Variants in HIPK2 observed in about 807,000 individuals in gnomAD.
HIPK2 encodes homeodomain-interacting protein kinase 2.
Under a neutral mutation model 113.7 loss-of-function variants are expected in HIPK2, and 27 were observed. The observed-to-expected ratio is 0.24, with a 90% CI of 0.17 to 0.33. The LOEUF (loss-of-function observed/expected upper bound fraction) is 0.33, where lower values mean the gene tolerates loss of function less well. HIPK2 is among the 10% of genes least tolerant of loss of function. The pLI is 1.00. For synonymous variants in HIPK2, 631 were observed against 642.2 expected (o/e 0.98, Z 0.26); for missense variants, 1,257 against 1,588.0 (o/e 0.79, Z 3.54).
At chr7:139,660,735 C>A (rs1280910121) in intron 2 of HIPK2, among the ~76,000 whole-genome samples, 3 of 152,218 alleles carry the variant, frequency 2.0e-5, no homozygotes, top group African/African-American at 7.2e-5. Context: ...GCACCTCTCA[C>A]AGAGGGCTAG....
At chr7:139,659,085 G>A (rs1404608635) in intron 2 of HIPK2, among the ~76,000 whole-genome samples, 1 of 152,172 alleles carries the variant, frequency 6.6e-6, no homozygotes, top group Non-Finnish European at 1.5e-5. Flanking sequence ...GGCATTGGCT[G>A]ACCAAAAACA....
chr7:139,600,715 T>A (rs924825283), intron 10 of HIPK2, 119 bp from the exon 11 acceptor site: 2 of 1,143,642 alleles, frequency 1.7e-6, no homozygotes, highest in African/African-American at 3.1e-5. Context: ...TCACTAGCTG[T>A]GCAGCTGCTG....
At chr7:139,721,937 C>T (rs554604963) in intron 1 of HIPK2, 5 of 300,398 alleles carry the variant, frequency 1.7e-5, no homozygotes, top group South Asian at 5.7e-5. Flanking sequence ...AAAATGGCCA[C>T]ATTTTCATTC....
Position 139,754,050 on chromosome 7 carries a change from C to A in HIPK2, c.19+23555G>T, listed in dbSNP as rs191789646. On this transcript the variant is annotated intron_variant, in intron 1 of 14. Transcript: ENST00000406875. ...GCCACGCTGGAGCCAGTGCACAACA[C>A]AAAGGGAAGCGGGGGCTCGAGGCCC... is the stretch of plus-strand genomic sequence containing the variant. 2.1e-3 allele frequency among the ~76,000 whole-genome samples: 325 copies of A among 152,346 alleles called. 3 individuals carry two copies. Among genetic ancestry groups the A allele is most frequent in the African/African-American group, 7.6e-3 (314 of 41,584 alleles).
chr7:139,674,088 C>A (rs2116659860), intron 2 of HIPK2, among the ~76,000 whole-genome samples: 1 of 150,774 alleles, frequency 6.6e-6, no homozygotes, highest in East Asian at 1.9e-4. Flanking sequence ...GAAAAATTTG[C>A]TGACTTTTGG....
intron 2 of HIPK2, among the ~76,000 whole-genome samples, chr7:139,688,049 TCACA>T (rs754385397): frequency 7.2e-5 from 11 of 152,026 alleles, no homozygotes; most frequent in Admixed American, 1.3e-4. Context: ...TCACCCCAAC[TCACA>T]CAGGCAGCCC....
At chr7:139,639,803 G>C (rs967021365) in intron 2 of HIPK2, among the ~76,000 whole-genome samples, 2 of 152,354 alleles carry the variant, frequency 1.3e-5, no homozygotes, top group South Asian at 2.1e-4. Flanking sequence ...ACCCTCAGCA[G>C]TTGCCAGTTT....
intron 1 of HIPK2, among the ~76,000 whole-genome samples, chr7:139,764,701 C>G (rs1796524487): frequency 6.6e-6 from 1 of 152,026 alleles, no homozygotes; most frequent in African/African-American, 2.4e-5. Context: ...ATAGAGGGAG[C>G]ATTGAAAACC....
At chr7:139,718,927 T>C (rs1795324546) in intron 1 of HIPK2, among the ~76,000 whole-genome samples, 2 of 152,220 alleles carry the variant, frequency 1.3e-5, no homozygotes, top group South Asian at 2.1e-4. Flanking sequence ...TAATGCACTA[T>C]AGGCTCCTGT....
At chr7:139,745,701 C>T (rs980189513) in intron 1 of HIPK2, among the ~76,000 whole-genome samples, 1 of 152,174 alleles carries the variant, frequency 6.6e-6, no homozygotes, top group Non-Finnish European at 1.5e-5. Context: ...CACCCTGGCT[C>T]ACCTTCCACA....
rs75620629 is a variant in HIPK2 at position 139,662,327 on chromosome 7, T to C, written c.1104-30602A>G. Reference sequence around the variant, plus strand: ...TTAGCAGGAAAGCACTGTATAAAGGTAAGGATTTGTCTGTTATTTCCCTGC... The same window carrying C: ...TTAGCAGGAAAGCACTGTATAAAGGCAAGGATTTGTCTGTTATTTCCCTGC... On this transcript the variant is annotated intron_variant, in intron 2 of 14. Transcript: ENST00000406875. Among the ~76,000 whole-genome samples the C allele has an allele frequency of 4.0e-3, 611 of 152,354 alleles. 1 individual carries two copies. The highest frequency in any genetic ancestry group is 5.6e-3 in the Non-Finnish European group (381 of 68,034).
At chr7:139,655,888 A>G (rs1190857438) in intron 2 of HIPK2, among the ~76,000 whole-genome samples, 3 of 152,134 alleles carry the variant, frequency 2.0e-5, no homozygotes. Flanking sequence ...ACCATGGATG[A>G]GGAGACTCGT....
intron 1 of HIPK2, among the ~76,000 whole-genome samples, chr7:139,761,316 A>G (rs1278973367): frequency 6.6e-6 from 1 of 152,232 alleles, no homozygotes; most frequent in Non-Finnish European, 1.5e-5. Context: ...AACGATTTGT[A>G]TGCAAAGTTA....
chr7:139,716,101 G>C lies in HIPK2; in HGVS notation c.934C>G (p.Leu312Val), dbSNP rs1215891769. The change falls in exon 2 of 15, where the codon CTG (leucine) becomes GTG (valine). Residue 312 changes from leucine to valine, a missense_variant. Leu to Val is a conservative substitution (Grantham distance 32). Coordinates refer to ENST00000406875, the MANE Select transcript of HIPK2 (RefSeq NM_022740.5). The surrounding 1 kb of genome is among the most constrained non-coding windows in gnomAD (Gnocchi z 9.3). ...AGACCTAGGCTTTTGAGTTTCATCA[G>C]GGCTGTGGCTACCTGCTGGAGAACT... Reference protein sequence around the residue: ...RPVLQQVATALMKLKSLGLIH... With the variant: ...RPVLQQVATAVMKLKSLGLIH... 6.2e-7 allele frequency: 1 copy of C among 1,613,996 alleles called. No individual in the cohort carries two copies. Among genetic ancestry groups the C allele is most frequent in the Non-Finnish European group, 8.5e-7 (1 of 1,179,982 alleles).
intron 9 of HIPK2, among the ~76,000 whole-genome samples, chr7:139,608,672 CT>C (rs1799711933): frequency 6.6e-6 from 1 of 152,062 alleles, no homozygotes; most frequent in African/African-American, 2.4e-5. Context: ...ATAATGGCCC[CT>C]ATTCAGGATC....
In HIPK2 at chr7:139,569,795, T is replaced by C. The variant is rs749917242; in HGVS notation, c.*3132A>G. On this transcript the variant is annotated 3_prime_UTR_variant, in exon 15 of 15. Coordinates refer to ENST00000406875, the MANE Select transcript of HIPK2 (RefSeq NM_022740.5). ...TCTGGATGTCCCTCCAGTCTACTTATATACTCACAGAGAGAATAAGTTTAA... is the reference window on the plus strand; with the variant it reads ...TCTGGATGTCCCTCCAGTCTACTTACATACTCACAGAGAGAATAAGTTTAA... 3.3e-5 allele frequency: 5 copies of C among 152,122 alleles called. No homozygotes were observed. Among genetic ancestry groups the C allele is most frequent in the Non-Finnish European group, 7.4e-5 (5 of 68,020 alleles). 9.4% of individuals were successfully genotyped at this position (152,122 alleles called of 1,614,324 possible). A position where few individuals can be genotyped will look rare whatever the true frequency, so the allele number is the denominator to read the frequency against.
At chr7:139,626,451 T>G in intron 6 of HIPK2, 150 bp downstream of exon 6, 2 of 748,038 alleles carry the variant, frequency 2.7e-6, no homozygotes, top group Non-Finnish European at 4.4e-6. Context: ...CACTCATCTG[T>G]TTATGTATTG....
chr7:139,611,725 G>T (rs1330734781), intron 9 of HIPK2, among the ~76,000 whole-genome samples: 2 of 150,806 alleles, frequency 1.3e-5, no homozygotes. Flanking sequence ...ATTTTTTTTT[G>T]TAGAGATGGG....
intron 2 of HIPK2, among the ~76,000 whole-genome samples, chr7:139,659,390 G>T (rs1202970894): frequency 6.6e-6 from 1 of 152,186 alleles, no homozygotes; most frequent in Non-Finnish European, 1.5e-5. Flanking sequence ...CTTCAAGTAG[G>T]AGCAGCCTTT....
Sources: allele counts gnomAD v4.1 joint callset (sites outside exome capture counted in the v4.1 genomes callset), GRCh38; gene constraint gnomAD v4.1.1; non-coding constraint Gnocchi (gnomAD v3.1); transcripts MANE v1.5; gene names NCBI Gene and HGNC (gene_info 2026-07-23, HGNC 2026-07-21).